Variants in KATNA1 observed in about 807,000 individuals in gnomAD.
The protein encoded by KATNA1 is katanin catalytic subunit A1, also known as katanin p60 ATPase-containing subunit A1.
In KATNA1, 42 loss-of-function variants were observed where a neutral mutation model predicts 62.6. The ratio of observed to expected loss-of-function variants is 0.67; its 90% CI spans 0.52 to 0.87. KATNA1 has a LOEUF of 0.87. KATNA1 is among the 40% of genes least tolerant of loss of function. The pLI, the probability that KATNA1 is intolerant of heterozygous loss-of-function variation, is 0.00. For missense variants in KATNA1, 498 were observed against 612.5 expected (o/e 0.81, Z 1.97); for synonymous variants, 186 against 201.9 (o/e 0.92, Z 0.67).
intron 3 of KATNA1, among the ~76,000 whole-genome samples, chr6:149,626,723 C>A (rs1318617345): frequency 2.0e-5 from 3 of 151,580 alleles, no homozygotes; most frequent in Non-Finnish European, 4.4e-5. Context: ...GTGGCTCACG[C>A]CTGTAATCTC....
At chr6:149,647,687 C>A (rs1176783818) in intron 1 of KATNA1, among the ~76,000 whole-genome samples, 1 of 152,058 alleles carries the variant, frequency 6.6e-6, no homozygotes, top group East Asian at 1.9e-4. Context: ...TCTACTGCAC[C>A]CATTCTAAAA....
intron 2 of KATNA1, among the ~76,000 whole-genome samples, chr6:149,636,702 G>A (rs1780076997): frequency 6.6e-6 from 1 of 150,892 alleles, no homozygotes; most frequent in Non-Finnish European, 1.5e-5. Flanking sequence ...GTGCAATGGT[G>A]CGATCTCGGC....
At chr6:149,596,062 AATTT>A (rs1351473391) in intron 10 of KATNA1, among the ~76,000 whole-genome samples, 28 of 152,328 alleles carry the variant, frequency 1.8e-4, no homozygotes, top group African/African-American at 3.1e-4. Flanking sequence ...AGGCACCAAC[AATTT>A]ATTTAATCCA....
At position 149,597,217 on chromosome 6, in the gene KATNA1, T is replaced by C. The variant is rs1778358011; in HGVS notation, c.1151-28A>G. On this transcript the variant is annotated intron_variant, in intron 9 of 10. Coordinates refer to ENST00000367411, the MANE Select transcript of KATNA1 (RefSeq NM_007044.4). ...AATGGTAGAAACAAATTTTAAAATG[T>C]AAGCCTGCAGCATAAACATAGTATA... 8 of 1,609,156 alleles carry C rather than the reference T, an allele frequency of 5.0e-6. No individual in the cohort carries two copies. The South Asian group carries it at 7.7e-5, about 16-fold the overall frequency.
At chr6:149,629,326 T>C (rs1779747916) in intron 3 of KATNA1, among the ~76,000 whole-genome samples, 1 of 152,064 alleles carries the variant, frequency 6.6e-6, no homozygotes. Context: ...GAGTCCCTGA[T>C]GTGAAAGAGC....
At chr6:149,626,074 T>C (rs1353532774) in intron 3 of KATNA1, among the ~76,000 whole-genome samples, 1 of 152,194 alleles carries the variant, frequency 6.6e-6, no homozygotes, top group African/African-American at 2.4e-5. Context: ...GTATGTATTT[T>C]TCCCTTTGCT....
rs1205819798 is a variant in KATNA1, at chr6:149,611,468, AAAAAAAAAAAAG to A, written c.502-6698_502-6687del. On this transcript the variant is annotated intron_variant, in intron 4 of 10. Transcript: ENST00000367411. ...CAAGAGCAAAACTCTGTCTCAAAAA[AAAAAAAAAAAAG>A]AAAAAAGAAAAAAGAAAAAAAAAGA... Among the ~76,000 whole-genome samples the A allele has an allele frequency of 2.7e-3, 396 of 149,212 alleles. 2 individuals carry two copies. The highest frequency in any genetic ancestry group is 9.6e-3 in the African/African-American group (385 of 40,030).
At chr6:149,630,486 G>A (rs564318276) in intron 3 of KATNA1, among the ~76,000 whole-genome samples, 6 of 152,202 alleles carry the variant, frequency 3.9e-5, no homozygotes, top group Non-Finnish European at 8.8e-5. Flanking sequence ...AAAATTAGCC[G>A]GGCGTGGTGG....
At chr6:149,600,518 A>G (rs1778497552) in intron 7 of KATNA1, among the ~76,000 whole-genome samples, 1 of 152,090 alleles carries the variant, frequency 6.6e-6, no homozygotes, top group Non-Finnish European at 1.5e-5. Flanking sequence ...GTGTAGTCCC[A>G]GCTACTCAGG....
At chr6:149,609,908 C>T (rs1440160364) in intron 4 of KATNA1, among the ~76,000 whole-genome samples, 2 of 150,638 alleles carry the variant, frequency 1.3e-5, no homozygotes, top group East Asian at 2.0e-4. Flanking sequence ...GAGACCAGCC[C>T]GACCAACATG....
In KATNA1 at chr6:149,598,319, A is replaced by G; in HGVS notation, c.920T>C (p.Ile307Thr). Residue 307 changes from isoleucine (I) to threonine (T), a missense_variant, in exon 8 of 11, where the codon ATT (isoleucine) becomes ACT (threonine). Transcript: ENST00000367411. ...ARFYSPATIF[I>T]DEIDSICSRR... Reference sequence around the variant, plus strand: ...ACTACAGATGGAGTCTATCTCATCAATAAATATGGTGGCTGGAGAATAAAA... The same window carrying G: ...ACTACAGATGGAGTCTATCTCATCAGTAAATATGGTGGCTGGAGAATAAAA... The G allele has an allele frequency of 6.2e-7, 1 of 1,613,944 alleles. No individual in the cohort carries two copies. Among genetic ancestry groups the G allele is most frequent in the Non-Finnish European group, 8.5e-7 (1 of 1,179,922 alleles).
rs1301821818 is a variant in KATNA1, at chr6:149,640,702, C to T, written c.-13-2142G>A. 3.9e-5 allele frequency among the ~76,000 whole-genome samples: 6 copies of T among 151,944 alleles called. No homozygotes were observed. The East Asian group carries it at 9.7e-4, about 25-fold the overall frequency. The stretch of plus-strand genomic sequence containing the variant: ...GGCTGGGACTACAGCCATGCATCCA[C>T]CACGCCCGGCTAAATTTTTGTATTT... On this transcript the variant is annotated intron_variant, in intron 1 of 10. Transcript: ENST00000367411.
At chr6:149,626,616 A>G (rs893401326) in intron 3 of KATNA1, among the ~76,000 whole-genome samples, 1 of 151,206 alleles carries the variant, frequency 6.6e-6, no homozygotes, top group Admixed American at 6.6e-5. Context: ...TACATATAAC[A>G]TTGTATTAGG....
intron 1 of KATNA1, among the ~76,000 whole-genome samples, chr6:149,640,513 G>A (rs567049431): frequency 6.6e-6 from 1 of 151,980 alleles, no homozygotes; most frequent in African/African-American, 2.4e-5. Context: ...GATGATTTCT[G>A]TAAGTATGGT....
intron 4 of KATNA1, among the ~76,000 whole-genome samples, chr6:149,610,979 G>A: frequency 6.6e-6 from 1 of 152,158 alleles, no homozygotes; most frequent in South Asian, 2.1e-4. Context: ...CAGCTACTTG[G>A]GAAACTGAGG....
intron 3 of KATNA1, among the ~76,000 whole-genome samples, chr6:149,630,956 A>C (rs1044675568): frequency 6.6e-6 from 1 of 152,190 alleles, no homozygotes; most frequent in Non-Finnish European, 1.5e-5. Context: ...GATAGTGGGG[A>C]AAAGTTACCC....
chr6:149,611,840 A>T (rs1463157226), intron 4 of KATNA1, among the ~76,000 whole-genome samples: 4 of 152,072 alleles, frequency 2.6e-5, no homozygotes, highest in Non-Finnish European at 5.9e-5. Flanking sequence ...ACTGCTAAAA[A>T]TACAAAAAAT....
intron 4 of KATNA1, 38 bp downstream of exon 4, chr6:149,623,052 TTTTTACGGTTCAA>T (rs1277246622): frequency 1.5e-6 from 2 of 1,361,628 alleles, no homozygotes; most frequent in Non-Finnish European, 2.0e-6. Flanking sequence ...ACAGTCTTCA[TTTTTACGGTTCAA>T]AAATAACTTT....
chr6:149,621,119 CCTT>C (rs1241136754), intron 4 of KATNA1, among the ~76,000 whole-genome samples: 2 of 151,090 alleles, frequency 1.3e-5, no homozygotes, highest in Non-Finnish European at 2.9e-5. Context: ...AAATCCTATG[CCTT>C]CTTTTTTTTT....
Sources: gnomAD v4.1 joint callset for allele counts (sites outside exome capture counted in the v4.1 genomes callset) on GRCh38, gnomAD v4.1.1 for gene constraint, MANE v1.5 for transcripts, NCBI Gene and HGNC (gene_info 2026-07-23, HGNC 2026-07-21) for gene names.